Variants in CELF2 observed in about 807,000 individuals in gnomAD.
CELF2 encodes CUGBP Elav-like family member 2, also known as CUG triplet repeat RNA-binding protein 2.
Under a neutral mutation model 62.6 loss-of-function variants are expected in CELF2, and 8 were observed. The ratio of observed to expected loss-of-function variants is 0.13; its 90% CI spans 0.07 to 0.23. The LOEUF is 0.23. Ranked by LOEUF, CELF2 falls within the 10% of genes least tolerant of loss-of-function variation. The pLI is 1.00. For missense variants in CELF2, 333 were observed against 671.0 expected (o/e 0.50, Z 5.56); for synonymous variants, 258 against 250.0 (o/e 1.03, Z -0.30).
At position 11,075,257 on chromosome 10, in the gene CELF2, A is replaced by G. The variant is rs1334620383; in HGVS notation, c.74+57094A>G. The stretch of plus-strand genomic sequence containing the variant: ...GGATGTTCAGGAGTCATCAGAAGGC[A>G]TGTTGATACTTCTTTTACTAAATAG... On this transcript the variant is annotated intron_variant, in intron 1 of 12. Transcript: ENST00000633077. The surrounding 1 kb of genome is among the most constrained non-coding windows in gnomAD (Gnocchi z 5.4). 1 of 152,236 alleles carries G rather than the reference A, an allele frequency of 6.6e-6. No homozygotes were observed. The highest frequency in any genetic ancestry group is 1.5e-5 in the Non-Finnish European group (1 of 68,038). The allele number at this position is 152,236 out of a possible 1,614,324, so 9.4% of individuals were successfully genotyped here. A position where few individuals can be genotyped will look rare whatever the true frequency, so the allele number is the denominator to read the frequency against.
intron 2 of CELF2, among the ~76,000 whole-genome samples, chr10:11,212,748 T>G (rs1420117311): frequency 2.7e-5 from 4 of 149,862 alleles, no homozygotes; most frequent in African/African-American, 7.3e-5. Flanking sequence ...TTTTTTTTTT[T>G]TTTTTTTTTT....
intron 1 of CELF2, among the ~76,000 whole-genome samples, chr10:11,037,592 T>C (rs568370398): frequency 6.6e-6 from 1 of 152,314 alleles, no homozygotes; most frequent in African/African-American, 2.4e-5. Context: ...ATGCTCAAGC[T>C]GGCCACAGCC....
At chr10:11,240,103 C>A (rs1177212714) in intron 3 of CELF2, among the ~76,000 whole-genome samples, 1 of 152,168 alleles carries the variant, frequency 6.6e-6, no homozygotes, top group African/African-American at 2.4e-5. Flanking sequence ...TGTAAAAGAA[C>A]AACTTGAAAT....
chr10:11,162,844 G>T (rs1045523128), intron 1 of CELF2, among the ~76,000 whole-genome samples: 1 of 152,140 alleles, frequency 6.6e-6, no homozygotes, highest in African/African-American at 2.4e-5. Context: ...GCCATGTCTT[G>T]TATTAAGCAC....
At chr10:11,172,258 T>A (rs2069151086) in intron 2 of CELF2, among the ~76,000 whole-genome samples, 1 of 152,172 alleles carries the variant, frequency 6.6e-6, no homozygotes. Flanking sequence ...TACTGTGACA[T>A]CCTTTCATTG....
intron 5 of CELF2, among the ~76,000 whole-genome samples, chr10:11,258,586 A>G (rs1007735740): frequency 3.3e-5 from 5 of 152,200 alleles, no homozygotes; most frequent in Non-Finnish European, 7.3e-5. Flanking sequence ...CTCTCCCTTG[A>G]CAATGCCACA....
chr10:10,905,661 G>A (rs574499814), intron 1 of CELF2, among the ~76,000 whole-genome samples: 3 of 151,958 alleles, frequency 2.0e-5, no homozygotes, highest in Middle Eastern at 3.4e-3. Flanking sequence ...GGCAGATCAC[G>A]AGGTCAGAGA....
intron 1 of CELF2, among the ~76,000 whole-genome samples, chr10:10,864,101 C>T (rs568140304): frequency 5.3e-5 from 8 of 152,220 alleles, no homozygotes; most frequent in Admixed American, 3.3e-4. Context: ...ATAATAAGGG[C>T]TTAGTCAAAA....
rs1282709433 is a variant in CELF2 at position 11,217,565 on chromosome 10, A to T, written c.354+58A>T. 1 of 1,331,294 alleles carries T rather than the reference A, an allele frequency of 7.5e-7. No homozygotes were observed. The highest frequency in any genetic ancestry group is 1.5e-5 in the African/African-American group (1 of 68,408). The allele number at this position is 1,331,294 out of a possible 1,614,324, so 82.5% of individuals were successfully genotyped here. A position where few individuals can be genotyped will look rare whatever the true frequency, so the allele number is the denominator to read the frequency against. ...TTATTGCTTGAAAATGGTCCTTTCA[A>T]CTGAAGGTTCTAGTTATGGGCTCTT... On this transcript the variant is annotated intron_variant, in intron 3 of 12. Transcript: ENST00000633077. This position sits in a 1 kb window ranked among gnomAD's most constrained non-coding sequence, Gnocchi z 5.6.
At chr10:10,850,306 G>A (rs2059305572) in intron 1 of CELF2, among the ~76,000 whole-genome samples, 2 of 152,316 alleles carry the variant, frequency 1.3e-5, no homozygotes, top group Admixed American at 1.3e-4. Flanking sequence ...ATTTTCTCCA[G>A]TAAGAAGATG....
At position 11,302,124 on chromosome 10, in the gene CELF2, G is replaced by A. The variant is rs188487190; in HGVS notation, c.977-12015G>A. On this transcript the variant is annotated intron_variant, in intron 9 of 12. Transcript: ENST00000633077. This position sits in a 1 kb window ranked among gnomAD's most constrained non-coding sequence, Gnocchi z 5.0. Reference sequence around the variant, plus strand: ...TCTTTTCCTCTGGAAGAACAGAACCGTAACTTACCACTCTCACCTAGTTTT... The same window carrying A: ...TCTTTTCCTCTGGAAGAACAGAACCATAACTTACCACTCTCACCTAGTTTT... Among the ~76,000 whole-genome samples the A allele has an allele frequency of 8.1e-4, 123 of 152,316 alleles. No individual in the cohort carries two copies. Among genetic ancestry groups the A allele is most frequent in the Middle Eastern group, 3.4e-3 (1 of 294 alleles).
upstream of CELF2, among the ~76,000 whole-genome samples, chr10:11,002,482 G>A (rs372199121): frequency 2.7e-4 from 41 of 152,250 alleles, no homozygotes; most frequent in East Asian, 4.2e-3. This position sits in a 1 kb window ranked among gnomAD's most constrained non-coding sequence, Gnocchi z 4.4. Context: ...GCGAGTATGC[G>A]GATCTCTGTG....
At chr10:11,049,229 A>G (rs182373917) in intron 1 of CELF2, among the ~76,000 whole-genome samples, 3,555 of 151,078 alleles carry the variant, frequency 0.024, 72 homozygotes, top group South Asian at 0.039. Flanking sequence ...TTTTTTTAAA[A>G]CTGCCTGTCT....
At chr10:10,576,626 A>G in the CELF2 span, among the ~76,000 whole-genome samples, 2 of 151,982 alleles carry the variant, frequency 1.3e-5, no homozygotes, top group African/African-American at 4.8e-5. Context: ...TACCCATGCT[A>G]TTTTTCTTAT....
At chr10:11,078,184 T>TA (rs60749613) in intron 1 of CELF2, among the ~76,000 whole-genome samples, 7 of 150,100 alleles carry the variant, frequency 4.7e-5, no homozygotes, top group South Asian at 2.1e-4. Flanking sequence ...AGTCTATTTA[T>TA]AAAAAAAAAA....
chr10:10,764,131 G>T, the CELF2 span, among the ~76,000 whole-genome samples: 1 of 152,218 alleles, frequency 6.6e-6, no homozygotes, highest in South Asian at 2.1e-4. Context: ...AAGGAAAGGA[G>T]ATGTCAGTAG....
At chr10:10,853,011 C>T (rs113971632) in intron 1 of CELF2, among the ~76,000 whole-genome samples, 9,602 of 152,262 alleles carry the variant, frequency 0.063, 438 homozygotes, top group East Asian at 0.21. Flanking sequence ...CAGAGTCTCA[C>T]TCTGTCACTT....
chr10:11,152,886 C>G (rs75758718), intron 1 of CELF2, among the ~76,000 whole-genome samples: 6,023 of 152,248 alleles, frequency 0.04, 141 homozygotes, highest in Middle Eastern at 0.048. Context: ...AGCACCCCAG[C>G]ATCGAGGGAG....
At chr10:10,809,179 C>G (rs2055572368) in intron 1 of CELF2, among the ~76,000 whole-genome samples, 2 of 152,184 alleles carry the variant, frequency 1.3e-5, no homozygotes, top group African/African-American at 2.4e-5. Context: ...CTTTCTCTCT[C>G]TCTCTGCCTC....
Sources: gnomAD v4.1 joint callset for allele counts (sites outside exome capture counted in the v4.1 genomes callset) on GRCh38, gnomAD v4.1.1 for gene constraint, Gnocchi (gnomAD v3.1) non-coding constraint, MANE v1.5 for transcripts, NCBI Gene and HGNC (gene_info 2026-07-23, HGNC 2026-07-21) for gene names.